OPCML: variants seen among roughly 807,000 people sequenced by gnomAD.
OPCML encodes the protein opioid binding protein/cell adhesion molecule like, also known as opioid-binding protein/cell adhesion molecule.
A neutral mutation model predicts 37.8 loss-of-function variants in OPCML; 13 were observed. That is an observed-to-expected ratio of 0.34 (90% CI 0.22 to 0.55). OPCML has a LOEUF of 0.55. Ranked by LOEUF, OPCML falls within the 20% of genes least tolerant of loss-of-function variation. OPCML has a pLI of 0.91. For missense variants in OPCML, 341 were observed against 435.6 expected, an observed-to-expected ratio of 0.78 and a Z score of 1.93; for synonymous variants, 176 against 168.8, an observed-to-expected ratio of 1.04 and a Z score of -0.33.
intron 1 of OPCML, among the ~76,000 whole-genome samples, chr11:133,271,497 A>G (rs1941831139): frequency 1.3e-5 from 2 of 152,212 alleles, no homozygotes; most frequent in South Asian, 2.1e-4. Flanking sequence ...CATCATAGCC[A>G]TCAATAATAA....
intron 1 of OPCML, among the ~76,000 whole-genome samples, chr11:133,219,809 G>A (rs879497256): frequency 6.7e-6 from 1 of 150,070 alleles, no homozygotes; most frequent in Admixed American, 6.6e-5. Flanking sequence ...GGGGAGGGGG[G>A]TGCTACAGAC....
At chr11:133,195,983 A>C (rs756619761) in intron 1 of OPCML, among the ~76,000 whole-genome samples, 24 of 152,222 alleles carry the variant, frequency 1.6e-4, no homozygotes, top group Non-Finnish European at 2.1e-4. Context: ...AAGGGCTCAG[A>C]GAATATAAAT....
intron 1 of OPCML, among the ~76,000 whole-genome samples, chr11:132,977,991 T>A (rs1201180421): frequency 2.6e-5 from 4 of 152,136 alleles, no homozygotes; most frequent in Non-Finnish European, 5.9e-5. Context: ...GTGGAAAATG[T>A]AAGAGCTGCT....
At chr11:133,024,240 G>T (rs1163490988) in intron 1 of OPCML, 1 of 531,378 alleles carries the variant, frequency 1.9e-6, no homozygotes, top group Non-Finnish European at 2.4e-6. Flanking sequence ...GCAGGTTGGT[G>T]GGGGGCTGGG....
At chr11:133,368,370 C>T (rs1302818597) in intron 1 of OPCML, among the ~76,000 whole-genome samples, 2 of 151,864 alleles carry the variant, frequency 1.3e-5, no homozygotes, top group African/African-American at 4.8e-5. Flanking sequence ...TGTTGGGGGA[C>T]CACAGCAGAG....
At chr11:132,815,105 A>C (rs1939555831) in intron 2 of OPCML, among the ~76,000 whole-genome samples, 1 of 152,180 alleles carries the variant, frequency 6.6e-6, no homozygotes, top group Non-Finnish European at 1.5e-5. Flanking sequence ...CCTTTGCCCC[A>C]CATGGACTAT....
intron 3 of OPCML, among the ~76,000 whole-genome samples, chr11:132,562,887 G>A (rs573019661): frequency 4.6e-4 from 70 of 152,320 alleles, no homozygotes; most frequent in African/African-American, 1.6e-3. Context: ...GATGTACACT[G>A]ATGTATACAC....
At chr11:132,457,871 C>A (rs991451510) in intron 4 of OPCML, among the ~76,000 whole-genome samples, 3 of 152,180 alleles carry the variant, frequency 2.0e-5, no homozygotes, top group Non-Finnish European at 1.5e-5. Flanking sequence ...CAAATATCAG[C>A]TATTTTGTGC....
intron 1 of OPCML, among the ~76,000 whole-genome samples, chr11:133,237,198 G>C (rs550601141): frequency 6.6e-6 from 1 of 152,154 alleles, no homozygotes; most frequent in Non-Finnish European, 1.5e-5. Flanking sequence ...GTGAGTTAAC[G>C]TGAAGGAATT....
chr11:132,968,844 C>T (rs1946274881), intron 1 of OPCML, among the ~76,000 whole-genome samples: 1 of 152,128 alleles, frequency 6.6e-6, no homozygotes, highest in Admixed American at 6.6e-5. Context: ...TTACTTCCTC[C>T]TTCCCTATTA....
intron 2 of OPCML, among the ~76,000 whole-genome samples, chr11:132,897,702 C>T (rs1474257028): frequency 1.3e-5 from 2 of 152,296 alleles, no homozygotes; most frequent in African/African-American, 4.8e-5. Context: ...AGGAAAATCT[C>T]AAGCGGCAGA....
At chr11:132,657,469 T>G in intron 2 of OPCML, 150 bp from the exon 3 acceptor site, 1 of 1,414,362 alleles carries the variant, frequency 7.1e-7, no homozygotes, top group South Asian at 1.5e-5. Context: ...TTGATGAAAC[T>G]TCCTAAATAT....
intron 1 of OPCML, among the ~76,000 whole-genome samples, chr11:133,263,205 G>T (rs966623820): frequency 6.6e-6 from 1 of 151,886 alleles, no homozygotes; most frequent in Non-Finnish European, 1.5e-5. Flanking sequence ...TCTATTGGAC[G>T]AACTGTTTGC....
chr11:133,050,710 CTTCTTCT>C (rs1948113275), intron 1 of OPCML, among the ~76,000 whole-genome samples: 1 of 101,016 alleles, frequency 9.9e-6, no homozygotes, highest in South Asian at 3.5e-4. Context: ...CCAGTTTCTT[CTTCTTCT>C]TCCTTTTTTT....
chr11:132,994,783 T>C (rs909712957), intron 1 of OPCML, among the ~76,000 whole-genome samples: 4 of 152,218 alleles, frequency 2.6e-5, no homozygotes, highest in Non-Finnish European at 5.9e-5. Flanking sequence ...CCTCACATTC[T>C]TGTGAACAAT....
At chr11:133,339,649 C>G (rs1260051434) in intron 1 of OPCML, among the ~76,000 whole-genome samples, 1 of 152,174 alleles carries the variant, frequency 6.6e-6, no homozygotes, top group Non-Finnish European at 1.5e-5. Flanking sequence ...AAGTCCAGCC[C>G]GCTGCTCTGC....
At chr11:133,028,214 A>G (rs1947600019) in intron 1 of OPCML, among the ~76,000 whole-genome samples, 1 of 152,084 alleles carries the variant, frequency 6.6e-6, no homozygotes, top group Non-Finnish European at 1.5e-5. Flanking sequence ...CTAATTTCTC[A>G]GAATTGTTTA....
chr11:132,725,765 C>T (rs550729785), intron 2 of OPCML, among the ~76,000 whole-genome samples: 16 of 145,466 alleles, frequency 1.1e-4, no homozygotes, highest in East Asian at 6.0e-4. Context: ...TGGGCAACAG[C>T]GAGACTCCAT....
At chr11:132,570,070 CATA>C (rs2096433784) in intron 3 of OPCML, among the ~76,000 whole-genome samples, 1 of 151,896 alleles carries the variant, frequency 6.6e-6, no homozygotes, top group Non-Finnish European at 1.5e-5. Context: ...TAATCATAAA[CATA>C]ATTATTATTT....
Sources: allele counts gnomAD v4.1 joint callset (sites outside exome capture counted in the v4.1 genomes callset), GRCh38; gene constraint gnomAD v4.1.1; transcripts MANE v1.5; gene names NCBI Gene and HGNC (gene_info 2026-07-23, HGNC 2026-07-21).